The following TCF4 variants were observed in gnomAD, a reference collection of about 807,000 sequenced individuals.
TCF4 encodes the protein SL3-3 enhancer factor 2.
TCF4 carries 3 observed loss-of-function variants against 82.1 expected under a neutral mutation model. The observed-to-expected ratio is 0.04, with a 90% CI of 0.02 to 0.09. TCF4 has a LOEUF of 0.09. Ranked by LOEUF, TCF4 falls within the 10% of genes least tolerant of loss-of-function variation. The pLI, the probability that TCF4 is intolerant of heterozygous loss-of-function variation, is 1.00. For missense variants in TCF4, 518 were observed against 852.7 expected, an observed-to-expected ratio of 0.61 and a Z score of 4.89; for synonymous variants, 276 against 309.6, an observed-to-expected ratio of 0.89 and a Z score of 1.14.
chr18:55,480,557 G>A (rs763313953), intron 3 of TCF4, among the ~76,000 whole-genome samples: 38 of 152,296 alleles, frequency 2.5e-4, no homozygotes, highest in South Asian at 1.2e-3. Flanking sequence ...TTAGGACAGA[G>A]TGATACTAAA....
chr18:55,330,176 A>ATTTT (rs3077897), intron 8 of TCF4, among the ~76,000 whole-genome samples: 10 of 110,450 alleles, frequency 9.1e-5, no homozygotes, highest in Non-Finnish European at 1.2e-4. Context: ...GCAATGTTGG[A>ATTTT]TTTTTTTTTT....
At chr18:55,462,544 T>C (rs1376483361) in intron 4 of TCF4, among the ~76,000 whole-genome samples, 1 of 152,206 alleles carries the variant, frequency 6.6e-6, no homozygotes, top group African/African-American at 2.4e-5. Flanking sequence ...TTCACCAATA[T>C]ATTCCTTGAG....
rs143341386 is a variant in TCF4 at position 55,273,151 on chromosome 18, G to C, written c.789+2468C>G. 2.6e-4 allele frequency among the ~76,000 whole-genome samples: 40 copies of C among 152,252 alleles called. 2 individuals are homozygous for C. In the South Asian group the frequency reaches 6.8e-3, roughly 26 times the overall value. Reference sequence around the variant, plus strand: ...AATGATTAGCTGTGGGATTCTGTTGGACAGGCTAAAACTGTAAAGGGGATT... The same window carrying C: ...AATGATTAGCTGTGGGATTCTGTTGCACAGGCTAAAACTGTAAAGGGGATT... On this transcript the variant is annotated intron_variant, in intron 10 of 19. Coordinates refer to ENST00000354452, the MANE Select transcript of TCF4 (RefSeq NM_001083962.2).
intron 8 of TCF4, among the ~76,000 whole-genome samples, chr18:55,341,642 T>C (rs1378781024): frequency 6.6e-6 from 1 of 152,180 alleles, no homozygotes; most frequent in East Asian, 1.9e-4. Flanking sequence ...TTTACTACTA[T>C]ATTCATTCAC....
chr18:55,362,413 G>GGAAGGAAA (rs2085619422), intron 6 of TCF4, among the ~76,000 whole-genome samples: 1 of 136,044 alleles, frequency 7.4e-6, no homozygotes, highest in South Asian at 2.2e-4. Context: ...AAGGAAGGAA[G>GGAAGGAAA]GAAGGAAGGA....
intron 6 of TCF4, among the ~76,000 whole-genome samples, chr18:55,403,215 G>A (rs2093922389): frequency 1.3e-5 from 2 of 152,090 alleles, no homozygotes; most frequent in Non-Finnish European, 1.5e-5. Flanking sequence ...GGTACCGGCT[G>A]ATGGATTAAA....
chr18:55,428,412 A>G (rs553000570), intron 5 of TCF4, among the ~76,000 whole-genome samples: 65 of 152,172 alleles, frequency 4.3e-4, no homozygotes, highest in Non-Finnish European at 7.8e-4. Context: ...CAGCTCTTCA[A>G]CTGCAGACTC....
At chr18:55,619,344 G>A (rs1019078085) in intron 2 of TCF4, among the ~76,000 whole-genome samples, 1 of 152,032 alleles carries the variant, frequency 6.6e-6, no homozygotes, top group African/African-American at 2.4e-5. Context: ...AATCATATTA[G>A]CTTATTTTCC....
At chr18:55,408,318 C>G (rs576686473) in intron 5 of TCF4, among the ~76,000 whole-genome samples, 1 of 152,260 alleles carries the variant, frequency 6.6e-6, no homozygotes, top group African/African-American at 2.4e-5. Context: ...ATTCTGGGAA[C>G]TGAAGAATGA....
chr18:55,336,741 CTG>C (rs2078722973), intron 8 of TCF4, among the ~76,000 whole-genome samples: 2 of 152,218 alleles, frequency 1.3e-5, no homozygotes, highest in Admixed American at 6.5e-5. Context: ...TTATTAGTAA[CTG>C]TATATAACTA....
At chr18:55,632,623 G>A (rs1282748140) in intron 1 of TCF4, among the ~76,000 whole-genome samples, 1 of 152,212 alleles carries the variant, frequency 6.6e-6, no homozygotes, top group Non-Finnish European at 1.5e-5. Flanking sequence ...TGCTCTTACA[G>A]AAGACTTCTC....
chr18:55,460,801 T>C (rs1415264864), intron 5 of TCF4, among the ~76,000 whole-genome samples: 8 of 152,208 alleles, frequency 5.3e-5, no homozygotes. Context: ...TCAGTATCAC[T>C]AAAAGCATTT....
chr18:55,424,048 G>A (rs2094886073), intron 5 of TCF4, among the ~76,000 whole-genome samples: 1 of 152,116 alleles, frequency 6.6e-6, no homozygotes, highest in African/African-American at 2.4e-5. Flanking sequence ...CCATCATTAC[G>A]CTCATTAATT....
intron 3 of TCF4, among the ~76,000 whole-genome samples, chr18:55,568,495 T>C (rs1200781812): frequency 6.6e-6 from 1 of 151,824 alleles, no homozygotes; most frequent in African/African-American, 2.4e-5. Context: ...CATATATATG[T>C]ATACAACACA....
chr18:55,300,113 C>CAA (rs997766721), intron 8 of TCF4, among the ~76,000 whole-genome samples: 2 of 151,986 alleles, frequency 1.3e-5, no homozygotes, highest in African/African-American at 4.8e-5. Flanking sequence ...CACACACACA[C>CAA]ACACACACAC....
chr18:55,521,473 A>C (rs1489968175), intron 3 of TCF4, among the ~76,000 whole-genome samples: 1 of 152,168 alleles, frequency 6.6e-6, no homozygotes, highest in Non-Finnish European at 1.5e-5. Flanking sequence ...CAAATCTCAT[A>C]ATGCAAAACC....
chr18:55,588,320 G>T, upstream of TCF4: 1 of 1,474,308 alleles, frequency 6.8e-7, no homozygotes, highest in Non-Finnish European at 8.9e-7. Flanking sequence ...CAAAGAAATG[G>T]GTGGGGGGGC....
In TCF4 at chr18:55,228,425, G is replaced by C. The variant is rs1402167111; in HGVS notation, c.1880-64C>G. The C allele has an allele frequency of 1.9e-6, 3 of 1,600,472 alleles. No homozygotes were observed. The Admixed American group carries it at 5.0e-5, about 27-fold the overall frequency. On this transcript the variant is annotated intron_variant, in intron 18 of 19. Transcript: ENST00000354452. ...GAGGCTTCTGGCAGAGGGCAGCAATGCACTCTTCTTGCGTGTCTGACCTTT... is the reference window on the plus strand; with the variant it reads ...GAGGCTTCTGGCAGAGGGCAGCAATCCACTCTTCTTGCGTGTCTGACCTTT...
chr18:55,603,035 A>G (rs2097698792), intron 2 of TCF4, among the ~76,000 whole-genome samples: 1 of 152,208 alleles, frequency 6.6e-6, no homozygotes, highest in Non-Finnish European at 1.5e-5. Context: ...TGGGGGACAT[A>G]GAAAGATACT....
Sources: gnomAD v4.1 joint callset for allele counts (sites outside exome capture counted in the v4.1 genomes callset) on GRCh38, gnomAD v4.1.1 for gene constraint, MANE v1.5 for transcripts, NCBI Gene and HGNC (gene_info 2026-07-23, HGNC 2026-07-21) for gene names.